The following C8orf74 variants were observed in gnomAD, a reference collection of about 807,000 sequenced individuals.
C8orf74 encodes the protein chromosome 8 open reading frame 74, also known as uncharacterized protein C8orf74.
C8orf74 carries 29 observed loss-of-function variants against 22.2 expected under a neutral mutation model. That is an observed-to-expected ratio of 1.31 (90% CI 0.97 to 1.78). The LOEUF (loss-of-function observed/expected upper bound fraction) is 1.78. C8orf74 is among the 40% of genes most tolerant of loss of function. The pLI is 0.00. For synonymous variants in C8orf74, 255 were observed against 163.1 expected (o/e 1.56, Z -4.30); for missense variants, 515 against 369.9 (o/e 1.39, Z -3.22).
chr8:10,674,633 T>A lies in C8orf74; in HGVS notation c.49-13T>A, dbSNP rs1403272476. On this transcript the variant is annotated splice_polypyrimidine_tract_variant and intron_variant, in intron 1 of 3. Coordinates refer to ENST00000304519, the MANE Select transcript of C8orf74 (RefSeq NM_001040032.2). ...CACATCATACCCTGCAGTTCCCATG[T>A]CATTCCCTGCAGAGACCACAAGGTC... is the stretch of plus-strand genomic sequence containing the variant. 1.9e-6 allele frequency: 3 copies of A among 1,596,302 alleles called. No individual in the cohort carries two copies. The highest frequency in any genetic ancestry group is 3.4e-5 in the Admixed American group (2 of 58,128).
chr8:10,689,618 G>C (rs1407801220), intron 2 of C8orf74: 1 of 152,126 alleles, frequency 6.6e-6, no homozygotes, highest in Non-Finnish European at 1.5e-5. Flanking sequence ...TGTAACTTTG[G>C]ACTCTTCCAG....
intron 2 of C8orf74, among the ~76,000 whole-genome samples, chr8:10,677,576 C>G (rs1329570465): frequency 6.6e-6 from 1 of 152,062 alleles, no homozygotes; most frequent in African/African-American, 2.4e-5. Flanking sequence ...TACCACACCA[C>G]CTCTTTTTTT....
chr8:10,672,702 T>C lies in C8orf74; in HGVS notation c.37T>C (p.Phe13Leu). 2 of 1,563,468 alleles carry C rather than the reference T, an allele frequency of 1.3e-6. No homozygotes were observed. Among genetic ancestry groups the C allele is most frequent in the Non-Finnish European group, 1.7e-6 (2 of 1,153,490 alleles). The change falls in exon 1 of 4, where the codon TTC becomes CTC. Residue 13 changes from phenylalanine to leucine, a missense_variant. Coordinates refer to ENST00000304519, the MANE Select transcript of C8orf74 (RefSeq NM_001040032.2). ...LLTPQGVKEV[F>L]QLQRPQGRER... ...AACACCCCAGGGAGTGAAAGAAGTC[T>C]TCCAACTTCAGGTGAAGGAAGAGAA... is the stretch of plus-strand genomic sequence containing the variant.
At position 10,697,659 on chromosome 8, in the gene C8orf74, A is replaced by G. The variant is rs572325989; in HGVS notation, c.302A>G (p.His101Arg). 75 of 1,613,834 alleles carry G rather than the reference A, an allele frequency of 4.6e-5. No homozygotes were observed. The highest frequency in any genetic ancestry group is 5.7e-5 in the Non-Finnish European group (67 of 1,179,878). The change falls in exon 3 of 4, where the codon CAT becomes CGT. Residue 101 changes from histidine to arginine, a missense_variant. By Grantham distance (29) the His-to-Arg change is conservative. Transcript: ENST00000304519. ...AACAAGCTTAGAGATTACCGGGGCC[A>G]TTTCAACACCACCCACCTGCTGGCC... ...LGNKLRDYRG[H>R]FNTTHLLALC...
At chr8:10,694,738 A>G (rs1799452674) in intron 2 of C8orf74, among the ~76,000 whole-genome samples, 1 of 152,226 alleles carries the variant, frequency 6.6e-6, no homozygotes, top group South Asian at 2.1e-4. Context: ...TGGGTTCCCA[A>G]GTTTTTCTTT....
rs749386948 is a variant in C8orf74, at chr8:10,674,716, G to A, written c.119G>A (p.Arg40Gln). ...WEEFDEQRDS[R>Q]RSILLDTLYE... ...GAGTTTGACGAACAGAGAGACTCCC[G>A]GAGGAGCATCCTGCTGGACACCCTC... Residue 40 changes from arginine (R) to glutamine (Q), a missense_variant, in exon 2 of 4, where the codon CGG becomes CAG. By Grantham distance (43) the Arg-to-Gln change is conservative. Transcript: ENST00000304519. The A allele has an allele frequency of 1.6e-5, 25 of 1,608,524 alleles. No individual in the cohort carries two copies. The highest frequency in any genetic ancestry group is 4.5e-5 in the East Asian group (2 of 44,700).
At chr8:10,680,118 A>T (rs1799117862) in intron 2 of C8orf74, 1 of 152,302 alleles carries the variant, frequency 6.6e-6, no homozygotes, top group South Asian at 2.1e-4. Context: ...CAGAGAGTTC[A>T]AGATGCGCAG....
rs140876065 is a variant in C8orf74 at position 10,679,394 on chromosome 8, C to T, written c.241+4556C>T. Among the ~76,000 whole-genome samples, 60 of 152,352 alleles carry T rather than the reference C, an allele frequency of 3.9e-4. No homozygotes were observed. The East Asian group carries it at 0.011, about 28-fold the overall frequency. ...CCTGCAGTATCGCTCGTGGAAATCA[C>T]AGCCTTTCCTCCCTCGGCTTTGCTC... On this transcript the variant is annotated intron_variant, in intron 2 of 3. Transcript: ENST00000304519.
At chr8:10,696,864 A>G (rs1799528058) in intron 2 of C8orf74, among the ~76,000 whole-genome samples, 1 of 152,042 alleles carries the variant, frequency 6.6e-6, no homozygotes. Flanking sequence ...ACAGGCATCA[A>G]AAGACACAAT....
rs1357583769 is a variant in C8orf74 at position 10,672,778 on chromosome 8, G to A, written c.48+65G>A. 43 of 1,443,732 alleles carry A rather than the reference G, an allele frequency of 3.0e-5. No homozygotes were observed. The highest frequency in any genetic ancestry group is 1.7e-4 in the Middle Eastern group (1 of 5,764). The allele number at this position is 1,443,732 out of a possible 1,614,324, so 89.4% of individuals were successfully genotyped here. On this transcript the variant is annotated intron_variant, in intron 1 of 3. Coordinates refer to ENST00000304519, the MANE Select transcript of C8orf74 (RefSeq NM_001040032.2). The stretch of plus-strand genomic sequence containing the variant: ...CTCATCCTGGGCACATAGGGAGGTG[G>A]GCACTGGAAGCGCCTCTTCAGGAGA...
Position 10,697,871 on chromosome 8 carries a change from A to G in C8orf74, c.514A>G (p.Thr172Ala), listed in dbSNP as rs1799561953. The G allele has an allele frequency of 6.2e-7, 1 of 1,612,758 alleles. No homozygotes were observed. Among genetic ancestry groups the G allele is most frequent in the African/African-American group, 1.3e-5 (1 of 75,046 alleles). Reference protein sequence around the residue: ...WIHEQQVATLTEAEAQKRADV... With the variant: ...WIHEQQVATLAEAEAQKRADV... ...CCACGAGCAGCAGGTGGCCACACTG[A>G]CGGAGGCCGAGGCACAGAAGCGCGC... is the stretch of plus-strand genomic sequence containing the variant. The change falls in exon 3 of 4, where the codon ACG (threonine) becomes GCG (alanine). Residue 172 changes from threonine (T) to alanine (A), a missense_variant. By Grantham distance (58) the Thr-to-Ala change is moderately conservative (BLOSUM62 0). Coordinates refer to ENST00000304519, the MANE Select transcript of C8orf74 (RefSeq NM_001040032.2).
chr8:10,695,688 C>T (rs1799481399), intron 2 of C8orf74, among the ~76,000 whole-genome samples: 1 of 152,018 alleles, frequency 6.6e-6, no homozygotes, highest in Admixed American at 6.5e-5. Flanking sequence ...ACCTCGTGGG[C>T]AAGACTGAGA....
At chr8:10,694,215 T>C (rs997800407) in intron 2 of C8orf74, among the ~76,000 whole-genome samples, 7 of 152,160 alleles carry the variant, frequency 4.6e-5, no homozygotes, top group Non-Finnish European at 1.0e-4. Flanking sequence ...ATATGACTTA[T>C]TTGTTGTCAT....
At chr8:10,681,525 G>A (rs1799148125) in intron 2 of C8orf74, among the ~76,000 whole-genome samples, 1 of 152,120 alleles carries the variant, frequency 6.6e-6, no homozygotes, top group African/African-American at 2.4e-5. Flanking sequence ...TGCCCAGGAG[G>A]CCTGCACAGG....
In C8orf74 at chr8:10,700,385, C is replaced by A. The variant is rs79352245; in HGVS notation, c.799C>A (p.Pro267Thr). ...LNLNAPTPIPPPITSHAGQEE... is the reference protein window; with the variant it reads ...LNLNAPTPIPTPITSHAGQEE... ...CCTCAACGCCCCCACCCCTATCCCG[C>A]CCCCCATCACCAGCCACGCAGGCCA... Residue 267 changes from proline (P) to threonine (T), a missense_variant, in exon 4 of 4, where the codon CCC becomes ACC. Transcript: ENST00000304519. The A allele has an allele frequency of 6.2e-7, 1 of 1,612,182 alleles. No individual in the cohort carries two copies. The highest frequency in any genetic ancestry group is 1.7e-5 in the Admixed American group (1 of 59,916).
At chr8:10,677,325 T>C (rs899791607) in intron 2 of C8orf74, among the ~76,000 whole-genome samples, 1 of 152,228 alleles carries the variant, frequency 6.6e-6, no homozygotes, top group Non-Finnish European at 1.5e-5. Flanking sequence ...GGGCTTCATA[T>C]AATGCGACTA....
intron 2 of C8orf74, chr8:10,691,856 A>G (rs980809989): frequency 1.3e-5 from 2 of 152,426 alleles, no homozygotes; most frequent in Admixed American, 6.5e-5. Context: ...ACCCTGTCCA[A>G]ACTGACCACA....
intron 2 of C8orf74, among the ~76,000 whole-genome samples, chr8:10,682,452 T>C (rs764384002): frequency 4.6e-5 from 7 of 152,160 alleles, no homozygotes; most frequent in Admixed American, 6.5e-5. Context: ...GCAGGGCTCG[T>C]TTCTCCCGAA....
chr8:10,686,907 G>C (rs1359661696), intron 2 of C8orf74, among the ~76,000 whole-genome samples: 1 of 152,206 alleles, frequency 6.6e-6, no homozygotes, highest in African/African-American at 2.4e-5. Flanking sequence ...TTCACTGTTT[G>C]AGTGACCAGG....
Sources: gnomAD v4.1 joint callset for allele counts (sites outside exome capture counted in the v4.1 genomes callset) on GRCh38, gnomAD v4.1.1 for gene constraint, MANE v1.5 for transcripts, NCBI Gene and HGNC (gene_info 2026-07-23, HGNC 2026-07-21) for gene names.